The following MED13L variants were observed in gnomAD, a reference collection of about 807,000 sequenced individuals.
The protein encoded by MED13L is mediator of RNA polymerase II transcription subunit 13-like.
MED13L carries 7 observed loss-of-function variants against 220.9 expected under a neutral mutation model. That is an observed-to-expected ratio of 0.03 (90% CI 0.02 to 0.06). The LOEUF is 0.06. Ranked by LOEUF, MED13L falls within the 10% of genes least tolerant of loss-of-function variation. The pLI is 1.00. For missense variants in MED13L, 1,965 were observed against 2,760.5 expected (o/e 0.71, Z 6.46); for synonymous variants, 1,011 against 1,015.2 (o/e 1.00, Z 0.08).
chr12:116,270,437 G>A (rs1009184480), intron 1 of MED13L, among the ~76,000 whole-genome samples: 17 of 152,176 alleles, frequency 1.1e-4, no homozygotes, highest in African/African-American at 3.4e-4. Flanking sequence ...GAGCCACCAC[G>A]CCCAGCTAGA....
intron 1 of MED13L, among the ~76,000 whole-genome samples, chr12:116,266,052 T>A (rs943723255): frequency 6.6e-6 from 1 of 152,232 alleles, no homozygotes; most frequent in Non-Finnish European, 1.5e-5. Context: ...GCCCTTTTGT[T>A]AACCCAAGCT....
chr12:115,987,422 TAGGAGTC>T (rs1314987064), intron 17 of MED13L, 134 bp from the exon 18 acceptor site: 1 of 791,230 alleles, frequency 1.3e-6, no homozygotes, highest in Admixed American at 2.3e-5. Context: ...ATATTTGACT[TAGGAGTC>T]AGGAGGAAAG....
rs917006218 is a variant in MED13L, at chr12:115,960,056, C to A, written c.*1210G>T. 2 of 152,568 alleles carry A rather than the reference C, an allele frequency of 1.3e-5. No individual in the cohort carries two copies. The highest frequency in any genetic ancestry group is 4.8e-5 in the African/African-American group (2 of 41,432). The allele number at this position is 152,568 out of a possible 1,614,324, so 9.5% of individuals were successfully genotyped here. ...AGGAATGAGGAGTCATAAAATACTT[C>A]AATTAGCCATTAATGCTTTAAAAAG... On this transcript the variant is annotated 3_prime_UTR_variant, in exon 31 of 31. Transcript: ENST00000281928.
intron 2 of MED13L, among the ~76,000 whole-genome samples, chr12:116,138,328 A>T (rs1256837505): frequency 6.6e-6 from 1 of 152,222 alleles, no homozygotes; most frequent in East Asian, 1.9e-4. Flanking sequence ...GACTTTTTAC[A>T]TATCAGGGTT....
rs184906865 is a variant in MED13L at position 116,128,844 on chromosome 12, T to C, written c.311-17332A>G. ...TAGGGCATATGTGTTCCATGTTCCA[T>C]TCTATTAGGTACAATGAGCTAAGGT... On this transcript the variant is annotated intron_variant, in intron 2 of 30. Transcript: ENST00000281928. 2.5e-3 allele frequency among the ~76,000 whole-genome samples: 385 copies of C among 152,302 alleles called. 2 individuals are homozygous for C. Among genetic ancestry groups the C allele is most frequent in the African/African-American group, 8.5e-3 (353 of 41,576 alleles).
At chr12:116,032,884 G>A (rs996467932) in intron 4 of MED13L, among the ~76,000 whole-genome samples, 4 of 152,074 alleles carry the variant, frequency 2.6e-5, no homozygotes, top group African/African-American at 9.7e-5. Flanking sequence ...GTGACAGGAA[G>A]GAGGAGAGGA....
intron 4 of MED13L, among the ~76,000 whole-genome samples, chr12:116,040,142 G>GT (rs1027540655): frequency 2.6e-5 from 4 of 152,096 alleles, no homozygotes; most frequent in Non-Finnish European, 5.9e-5. Context: ...AAATTGTGGT[G>GT]TTTTTTTCCT....
At position 115,986,496 on chromosome 12, in the gene MED13L, T is replaced by A. The variant is rs1054976642; in HGVS notation, c.4115-7A>T. ...TCAGGAGATTCTTCCGAACCTAAAA[T>A]GACATTGTAGTGTAGAAAGGTGCTA... On this transcript the variant is annotated splice_region_variant and splice_polypyrimidine_tract_variant and intron_variant, in intron 18 of 30. Transcript: ENST00000281928. 31 of 1,612,796 alleles carry A rather than the reference T, an allele frequency of 1.9e-5. No individual in the cohort carries two copies. Among genetic ancestry groups the A allele is most frequent in the Non-Finnish European group, 2.6e-5 (31 of 1,179,300 alleles).
chr12:116,033,296 G>A (rs951667465), intron 4 of MED13L, among the ~76,000 whole-genome samples: 7 of 152,084 alleles, frequency 4.6e-5, no homozygotes, highest in South Asian at 2.1e-4. Flanking sequence ...CCTGAAATTC[G>A]TTCACAAGAA....
At chr12:115,979,751 T>A (rs967829215) in intron 23 of MED13L, among the ~76,000 whole-genome samples, 2 of 152,254 alleles carry the variant, frequency 1.3e-5, no homozygotes, top group African/African-American at 4.8e-5. Flanking sequence ...ACTAATGGGA[T>A]ACTTTTCATG....
rs1875619915 is a variant in MED13L, at chr12:115,959,362, G to C, written c.*1904C>G. 1 of 150,466 alleles carries C rather than the reference G, an allele frequency of 6.6e-6. No homozygotes were observed. Among genetic ancestry groups the C allele is most frequent in the African/African-American group, 2.5e-5 (1 of 40,744 alleles). 9.3% of individuals were successfully genotyped at this position (150,466 alleles called of 1,614,324 possible). A position where few individuals can be genotyped will look rare whatever the true frequency, so the allele number is the denominator to read the frequency against. ...AGAATTGGGTTTCTAGGGAAGAAAA[G>C]CCCCTGCATTAAAAACAGCCCATTT... On this transcript the variant is annotated 3_prime_UTR_variant, in exon 31 of 31. Transcript: ENST00000281928.
intron 11 of MED13L, 87 bp from the exon 12 acceptor site, chr12:116,006,498 G>T: frequency 9.6e-7 from 1 of 1,037,878 alleles, no homozygotes; most frequent in Non-Finnish European, 1.5e-6. Flanking sequence ...TTAGAGGGTA[G>T]AATGGAACTT....
chr12:116,186,422 T>C (rs550347001), intron 2 of MED13L, among the ~76,000 whole-genome samples: 6 of 152,356 alleles, frequency 3.9e-5, no homozygotes, highest in African/African-American at 1.2e-4. Flanking sequence ...CCTGAAGTTC[T>C]ATACCTGCTT....
intron 4 of MED13L, among the ~76,000 whole-genome samples, chr12:116,061,851 AC>A (rs1216114593): frequency 6.6e-6 from 1 of 151,870 alleles, no homozygotes; most frequent in Non-Finnish European, 1.5e-5. Flanking sequence ...ACTTAAAAAT[AC>A]AAAAAATTAG....
chr12:116,080,231 T>A (rs1871136294), intron 4 of MED13L, among the ~76,000 whole-genome samples: 1 of 152,144 alleles, frequency 6.6e-6, no homozygotes, highest in South Asian at 2.1e-4. Context: ...TTTATATACT[T>A]GGCAGGGTTT....
chr12:116,046,394 T>C (rs988376690), intron 4 of MED13L, among the ~76,000 whole-genome samples: 1 of 152,084 alleles, frequency 6.6e-6, no homozygotes, highest in Non-Finnish European at 1.5e-5. Flanking sequence ...TGGATGTAAA[T>C]AATTTCACAT....
intron 2 of MED13L, among the ~76,000 whole-genome samples, chr12:116,173,480 G>C (rs1202402006): frequency 6.6e-6 from 1 of 152,112 alleles, no homozygotes; most frequent in East Asian, 1.9e-4. Context: ...TAAGATGACA[G>C]TATATAAATC....
intron 3 of MED13L, among the ~76,000 whole-genome samples, chr12:116,105,965 A>G (rs976092977): frequency 6.6e-6 from 1 of 152,212 alleles, no homozygotes; most frequent in Non-Finnish European, 1.5e-5. Flanking sequence ...TTAATGAGCG[A>G]CCATGTGCTC....
At chr12:116,172,927 C>CAA (rs560335454) in intron 2 of MED13L, among the ~76,000 whole-genome samples, 830 of 59,998 alleles carry the variant, frequency 0.014, 7 homozygotes, top group Non-Finnish European at 0.018. Flanking sequence ...CCATTTAAGA[C>CAA]AAAAAAAAAA....
Sources: allele counts gnomAD v4.1 joint callset (sites outside exome capture counted in the v4.1 genomes callset), GRCh38; gene constraint gnomAD v4.1.1; transcripts MANE v1.5; gene names NCBI Gene and HGNC (gene_info 2026-07-23, HGNC 2026-07-21).